The following MYCBP2 variants were observed in gnomAD, a reference collection of about 807,000 sequenced individuals.
MYCBP2 encodes the protein MYC binding protein 2.
MYCBP2 carries 120 observed loss-of-function variants against 525.3 expected under a neutral mutation model. That is an observed-to-expected ratio of 0.23 (90% confidence interval 0.20 to 0.27). MYCBP2 has a LOEUF of 0.27. Among genes scored for constraint, MYCBP2 ranks in the 10% least tolerant of loss-of-function variants. The pLI is 1.00. For synonymous variants in MYCBP2, 1,894 were observed against 1,955.8 expected, an observed-to-expected ratio of 0.97 and a Z score of 0.83; for missense variants, 4,149 against 5,657.1, an observed-to-expected ratio of 0.73 and a Z score of 8.55.
chr13:77,179,656 C>A (rs1198936765), intron 34 of MYCBP2, among the ~76,000 whole-genome samples: 2 of 152,058 alleles, frequency 1.3e-5, no homozygotes, highest in African/African-American at 2.4e-5. Context: ...TTTCAAAAAA[C>A]CTGTGATAGA....
At chr13:77,237,860 A>G (rs992973263) in intron 17 of MYCBP2, among the ~76,000 whole-genome samples, 1 of 152,210 alleles carries the variant, frequency 6.6e-6, no homozygotes, top group Non-Finnish European at 1.5e-5. Flanking sequence ...TAATTTAAAA[A>G]GAGACTTTTA....
At chr13:77,051,252 A>G in intron 81 of MYCBP2, 90 bp from the exon 82 acceptor site, 1 of 1,188,378 alleles carries the variant, frequency 8.4e-7, no homozygotes, top group Non-Finnish European at 1.2e-6. Flanking sequence ...CAGCTCCTTA[A>G]TTCATATTTT....
intron 76 of MYCBP2, among the ~76,000 whole-genome samples, chr13:77,059,940 G>C (rs1270270820): frequency 1.3e-5 from 2 of 151,706 alleles, no homozygotes; most frequent in Non-Finnish European, 2.9e-5. Flanking sequence ...GACTCCAAAT[G>C]CACAATACCA....
At chr13:77,264,040 C>A (rs2154339932) in intron 8 of MYCBP2, 38 bp from the exon 9 acceptor site, 10 of 1,548,106 alleles carry the variant, frequency 6.5e-6, no homozygotes, top group Non-Finnish European at 8.9e-6. Context: ...ACAATACAAG[C>A]AAACACCTTG....
At chr13:77,113,561 T>C (rs536952934) in intron 55 of MYCBP2, among the ~76,000 whole-genome samples, 45 of 151,286 alleles carry the variant, frequency 3.0e-4, no homozygotes, top group African/African-American at 1.1e-3. Flanking sequence ...AACAAAGAGG[T>C]GGGGGAAGAG....
chr13:77,289,584 C>T (rs2077260649), intron 2 of MYCBP2, among the ~76,000 whole-genome samples: 1 of 151,734 alleles, frequency 6.6e-6, no homozygotes, highest in Non-Finnish European at 1.5e-5. Flanking sequence ...TACAAAATAA[C>T]CACAGCTAAC....
chr13:77,185,143 T>C lies in MYCBP2; in HGVS notation c.4679A>G (p.Gln1560Arg). The C allele has an allele frequency of 6.2e-7, 1 of 1,614,088 alleles. No homozygotes were observed. Among genetic ancestry groups the C allele is most frequent in the Non-Finnish European group, 8.5e-7 (1 of 1,180,004 alleles). Residue 1560 changes from glutamine to arginine, a missense_variant, in exon 32 of 83, where the codon CAG becomes CGG. Transcript: ENST00000544440. ...FHSFYPTPAL[Q>R]WACLCDLLNC... ...CAGCAGATCACAAAGGCAAGCCCAC[T>C]GTAAGGCAGGAGTTGGGTAGAAAGA... is the stretch of plus-strand genomic sequence containing the variant.
Position 77,070,679 on chromosome 13 carries a change from C to T in MYCBP2, c.11856G>A (p.Met3952Ile). 1 of 1,604,532 alleles carries T rather than the reference C, an allele frequency of 6.2e-7. No homozygotes were observed. Among genetic ancestry groups the T allele is most frequent in the South Asian group, 1.1e-5 (1 of 90,028 alleles). ...ATSDADLKEH[M>I]VGIIFSRSKL... ...TACTCCTGCTGAATATGATTCCAAC[C>T]ATATGTTCTTTCAGGTCAGCATCTG... The change falls in exon 69 of 83, where the codon ATG becomes ATA. Residue 3952 changes from methionine to isoleucine, a missense_variant. Around this residue, in one of 21 missense-constraint regions of MYCBP2, gnomAD observed 3 missense variants for 25.4 expected, o/e 0.12. Coordinates refer to ENST00000544440, the MANE Select transcript of MYCBP2 (RefSeq NM_015057.5).
Position 77,098,340 on chromosome 13 carries a change from TGAG to T in MYCBP2, c.8811_8813del (p.Ser2939del), listed in dbSNP as rs774144996. ...TTAGACTATTTGTTTTTAAAGTACT[TGAG>T]GTGCAGACTTCGACCACCTCACTGT... On this transcript the variant is annotated inframe_deletion, in exon 56 of 83. Transcript: ENST00000544440. 6.2e-7 allele frequency: 1 copy of T among 1,612,266 alleles called. No individual in the cohort carries two copies. Among genetic ancestry groups the T allele is most frequent in the East Asian group, 2.2e-5 (1 of 44,852 alleles).
chr13:77,189,064 C>A lies in MYCBP2; in HGVS notation c.4155-17G>T. 2 of 1,547,226 alleles carry A rather than the reference C, an allele frequency of 1.3e-6. No individual in the cohort carries two copies. Among genetic ancestry groups the A allele is most frequent in the Non-Finnish European group, 8.8e-7 (1 of 1,142,590 alleles). On this transcript the variant is annotated splice_polypyrimidine_tract_variant and intron_variant, in intron 29 of 82. Transcript: ENST00000544440. The stretch of plus-strand genomic sequence containing the variant: ...GTTGGAAGTCTAAAGGCAGTAGACA[C>A]ATATAAAATTATGTTAGAAAGTCCA...
intron 21 of MYCBP2, 132 bp from the exon 22 acceptor site, chr13:77,212,292 A>C: frequency 1.5e-6 from 1 of 659,706 alleles, no homozygotes; most frequent in Non-Finnish European, 2.4e-6. Flanking sequence ...TTGGGTTTTT[A>C]AAATAAATAC....
chr13:77,255,390 ATTTTAC>A (rs1453067454), intron 14 of MYCBP2, among the ~76,000 whole-genome samples: 1 of 151,910 alleles, frequency 6.6e-6, no homozygotes, highest in Non-Finnish European at 1.5e-5. Flanking sequence ...TCTTTTAACA[ATTTTAC>A]TTTGATTATT....
intron 10 of MYCBP2, 114 bp downstream of exon 10, chr13:77,263,537 C>T: frequency 3.8e-6 from 3 of 789,460 alleles, no homozygotes; most frequent in East Asian, 5.5e-5. Context: ...TAGTAACAGA[C>T]ACAAAATAGC....
In MYCBP2 at chr13:77,126,648, TA is replaced by T. The variant is rs561456218; in HGVS notation, c.7660-107del. The T allele has an allele frequency of 5.5e-5, 40 of 730,506 alleles. 1 individual carries two copies. The highest frequency in any genetic ancestry group is 1.3e-4 in the South Asian group (6 of 46,652). The allele number at this position is 730,506 out of a possible 1,614,324, so 45.3% of individuals were successfully genotyped here. On this transcript the variant is annotated intron_variant, in intron 52 of 82. Transcript: ENST00000544440. ...TAGCAAGTCTACAGTACTGTCAATA[TA>T]AAAAAAACACATAACTAAAGATAAC...
At chr13:77,194,018 T>C (rs2061525554) in intron 27 of MYCBP2, 135 bp downstream of exon 27, 4 of 524,486 alleles carry the variant, frequency 7.6e-6, no homozygotes, top group African/African-American at 1.9e-5. Flanking sequence ...TTGCTTAATA[T>C]ATAATTTAAT....
intron 56 of MYCBP2, 140 bp downstream of exon 56, chr13:77,097,230 G>T: frequency 8.4e-7 from 1 of 1,194,338 alleles, no homozygotes. Flanking sequence ...ACCCTGTACT[G>T]ATAATGTACT....
chr13:77,316,793 G>C (rs1484214027), intron 1 of MYCBP2, among the ~76,000 whole-genome samples: 1 of 152,066 alleles, frequency 6.6e-6, no homozygotes, highest in African/African-American at 2.4e-5. Flanking sequence ...GGCCTTTCTC[G>C]TGTCCATTTA....
At chr13:77,140,808 AT>A in intron 50 of MYCBP2, 37 bp downstream of exon 50, 1 of 1,478,940 alleles carries the variant, frequency 6.8e-7, no homozygotes, top group East Asian at 2.3e-5. Flanking sequence ...AAACGTAAAA[AT>A]TGAATGATTC....
intron 17 of MYCBP2, among the ~76,000 whole-genome samples, chr13:77,241,202 C>T (rs911918740): frequency 6.6e-6 from 1 of 152,036 alleles, no homozygotes; most frequent in Admixed American, 6.5e-5. Context: ...GAATATTCTG[C>T]AATCACCAAG....
Sources: gnomAD v4.1 joint callset for allele counts (sites outside exome capture counted in the v4.1 genomes callset) on GRCh38, gnomAD v4.1.1 for gene constraint, gnomAD v4.1.1 regional missense constraint, MANE v1.5 for transcripts, NCBI Gene and HGNC (gene_info 2026-07-23, HGNC 2026-07-21) for gene names.